The following CELF2 variants were observed in gnomAD, a reference collection of about 807,000 sequenced individuals.
CELF2 encodes CUG triplet repeat RNA-binding protein 2.
Under a neutral mutation model 62.6 loss-of-function variants are expected in CELF2, and 8 were observed. That is an observed-to-expected ratio of 0.13 (90% CI 0.07 to 0.23). CELF2 has a LOEUF of 0.23. CELF2 is among the 10% of genes least tolerant of loss of function. The pLI is 1.00. For missense variants in CELF2, 333 were observed against 671.0 expected (o/e 0.50, Z 5.56); for synonymous variants, 258 against 250.0 (o/e 1.03, Z -0.30).
chr10:10,533,807 G>A, the CELF2 span, among the ~76,000 whole-genome samples: 8 of 152,152 alleles, frequency 5.3e-5, no homozygotes, highest in Non-Finnish European at 1.0e-4. Flanking sequence ...AAAGATTGAC[G>A]GCAAGTAGTA....
chr10:10,635,742 G>C, the CELF2 span, among the ~76,000 whole-genome samples: 1 of 152,168 alleles, frequency 6.6e-6, no homozygotes. Context: ...TAATGGCTGT[G>C]AGGGAAGTGA....
At chr10:10,678,776 A>T in the CELF2 span, among the ~76,000 whole-genome samples, 1 of 152,216 alleles carries the variant, frequency 6.6e-6, no homozygotes, top group African/African-American at 2.4e-5. Context: ...GTTCCTGTTC[A>T]TGGAGGAAGT....
the CELF2 span, among the ~76,000 whole-genome samples, chr10:10,660,960 T>G: frequency 6.6e-6 from 1 of 152,184 alleles, no homozygotes; most frequent in Non-Finnish European, 1.5e-5. Flanking sequence ...AATAACTTAG[T>G]CATAGTCCCT....
At chr10:10,623,497 A>G in the CELF2 span, among the ~76,000 whole-genome samples, 605 of 152,300 alleles carry the variant, frequency 4.0e-3, 2 homozygotes, top group African/African-American at 0.014. Flanking sequence ...CCTTAGGCAG[A>G]GTGGACTGTC....
intron 2 of CELF2, among the ~76,000 whole-genome samples, chr10:10,925,601 G>A (rs1057403402): frequency 6.6e-6 from 1 of 152,034 alleles, no homozygotes. Flanking sequence ...AAAACCCAAG[G>A]GATTTCAGCA....
intron 6 of CELF2, among the ~76,000 whole-genome samples, chr10:11,266,956 T>C (rs2082319889): frequency 6.6e-6 from 1 of 152,200 alleles, no homozygotes; most frequent in Non-Finnish European, 1.5e-5. Context: ...TCCTGTGATG[T>C]AAAGTCGTGA....
intron 1 of CELF2, among the ~76,000 whole-genome samples, chr10:11,164,866 T>C (rs1237419789): frequency 1.3e-5 from 2 of 152,140 alleles, no homozygotes; most frequent in East Asian, 1.9e-4. Context: ...CCATTCTGAG[T>C]AGCAACAACG....
chr10:11,230,403 A>G (rs1267164771), intron 3 of CELF2, among the ~76,000 whole-genome samples: 2 of 152,156 alleles, frequency 1.3e-5, no homozygotes, highest in African/African-American at 2.4e-5. Context: ...TTTCCCTGGG[A>G]GTCCCTCACA....
At position 11,220,626 on chromosome 10, in the gene CELF2, C is replaced by G. The variant is rs966022876; in HGVS notation, c.354+3119C>G. Among the ~76,000 whole-genome samples the G allele has an allele frequency of 6.6e-6, 1 of 152,192 alleles. No homozygotes were observed. On this transcript the variant is annotated intron_variant, in intron 3 of 12. Transcript: ENST00000633077. This position sits in a 1 kb window ranked among gnomAD's most constrained non-coding sequence, Gnocchi z 4.4. Reference sequence around the variant, plus strand: ...TTACTGGGTAACCAAAGAAGACGCTCTGTTTTACATCCCCTGAAATTCTCA... The same window carrying G: ...TTACTGGGTAACCAAAGAAGACGCTGTGTTTTACATCCCCTGAAATTCTCA...
the CELF2 span, among the ~76,000 whole-genome samples, chr10:10,715,345 G>C: frequency 1.3e-5 from 2 of 152,258 alleles, no homozygotes; most frequent in South Asian, 4.1e-4. Flanking sequence ...CCTTAAGTTA[G>C]ACAATCAAAT....
At chr10:11,124,699 C>A (rs999404693) in intron 1 of CELF2, among the ~76,000 whole-genome samples, 1 of 152,170 alleles carries the variant, frequency 6.6e-6, no homozygotes, top group Non-Finnish European at 1.5e-5. Context: ...TCTAAGCGTA[C>A]AAGGTACACA....
rs1010747265 is a variant in CELF2 at position 11,009,018 on chromosome 10, G to A, written c.53+3578G>A. 5.0e-5 allele frequency among the ~76,000 whole-genome samples: 4 copies of A among 79,890 alleles called. 1 individual carries two copies. The highest frequency in any genetic ancestry group is 1.9e-4 in the African/African-American group (4 of 21,046). 52.4% of individuals were successfully genotyped at this position (79,890 alleles called of 152,430 possible). ...CTGGGGAATTTGCGGGGGGGGGGGG[G>A]GAGCATTCCTGATTCATAAAACTAT... On this transcript the variant is annotated intron_variant, in intron 1 of 12. Transcript: ENST00000416382.
chr10:10,952,399 C>T (rs1011827916), intron 2 of CELF2, among the ~76,000 whole-genome samples: 4 of 152,142 alleles, frequency 2.6e-5, no homozygotes, highest in African/African-American at 9.7e-5. Context: ...TGCATGGCTT[C>T]AGGGCTGGAG....
Position 11,009,157 on chromosome 10 carries a change from A to G in CELF2, c.53+3717A>G, listed in dbSNP as rs536409330. Among the ~76,000 whole-genome samples, 11 of 152,220 alleles carry G rather than the reference A, an allele frequency of 7.2e-5. No individual in the cohort carries two copies. The East Asian group carries it at 1.2e-3, about 16-fold the overall frequency. On this transcript the variant is annotated intron_variant, in intron 1 of 12. Coordinates refer to the CELF2 transcript ENST00000416382. The stretch of plus-strand genomic sequence containing the variant: ...GTGGAGAGGATTAAAATTCGTGGCA[A>G]TTGACTTGGCTGACATTGGAAAGAG...
At chr10:11,135,677 T>C (rs1279207262) in intron 1 of CELF2, among the ~76,000 whole-genome samples, 5 of 152,232 alleles carry the variant, frequency 3.3e-5, no homozygotes, top group Non-Finnish European at 5.9e-5. Flanking sequence ...CACTTAGTCC[T>C]TTTCTCATTC....
At chr10:10,853,584 A>G (rs10795829) in intron 1 of CELF2, among the ~76,000 whole-genome samples, 17,636 of 151,986 alleles carry the variant, frequency 0.12, 1,268 homozygotes, top group East Asian at 0.22. Flanking sequence ...TGGGAATAAT[A>G]CACACCAAGC....
chr10:10,896,104 T>C (rs150579925), intron 1 of CELF2, among the ~76,000 whole-genome samples: 25 of 152,232 alleles, frequency 1.6e-4, no homozygotes, highest in African/African-American at 5.5e-4. Context: ...GATTGATGTA[T>C]ACATGTAAAG....
In CELF2 at chr10:11,300,231, C is replaced by T. The variant is rs1465553077; in HGVS notation, c.976+11679C>T. On this transcript the variant is annotated intron_variant, in intron 9 of 12. Transcript: ENST00000633077. The surrounding 1 kb of genome is among the most constrained non-coding windows in gnomAD (Gnocchi z 5.5). ...GGACGTGAGGAGCAGGTGCTGGCCC[C>T]TCACTTCCCCGCCTTCCACATGTGT... 1.3e-5 allele frequency among the ~76,000 whole-genome samples: 2 copies of T among 152,194 alleles called. No homozygotes were observed. Among genetic ancestry groups the T allele is most frequent in the African/African-American group, 4.8e-5 (2 of 41,436 alleles).
At chr10:11,176,557 A>G (rs548728837) in intron 2 of CELF2, among the ~76,000 whole-genome samples, 1 of 152,276 alleles carries the variant, frequency 6.6e-6, no homozygotes, top group Non-Finnish European at 1.5e-5. Context: ...TTTCTTTGCC[A>G]TTTGTTTTCG....
Sources: allele counts gnomAD v4.1 joint callset (sites outside exome capture counted in the v4.1 genomes callset), GRCh38; gene constraint gnomAD v4.1.1; non-coding constraint Gnocchi (gnomAD v3.1); transcripts MANE v1.5; gene names NCBI Gene and HGNC (gene_info 2026-07-23, HGNC 2026-07-21).